Variants in TMEM132D observed in about 807,000 individuals in gnomAD.
The protein encoded by TMEM132D is mature OL transmembrane protein.
In TMEM132D, 21 loss-of-function variants were observed where a neutral mutation model predicts 62.3. The ratio of observed to expected loss-of-function variants is 0.34; its 90% CI spans 0.24 to 0.49. The LOEUF is 0.49. TMEM132D is among the 20% of genes least tolerant of loss of function. The pLI is 0.99. For synonymous variants in TMEM132D, 621 were observed against 575.6 expected, an observed-to-expected ratio of 1.08 and a Z score of -1.13; for missense variants, 1,346 against 1,402.8, an observed-to-expected ratio of 0.96 and a Z score of 0.65.
At chr12:129,081,392 A>G (rs540184213) in intron 7 of TMEM132D, among the ~76,000 whole-genome samples, 1 of 152,258 alleles carries the variant, frequency 6.6e-6, no homozygotes, top group East Asian at 1.9e-4. Flanking sequence ...TCTGCTTCCC[A>G]GGCCCGAGCG....
chr12:129,282,606 T>C (rs1367957960), intron 4 of TMEM132D, among the ~76,000 whole-genome samples: 2 of 152,190 alleles, frequency 1.3e-5, no homozygotes, highest in Admixed American at 6.5e-5. Context: ...ACTGAGTTTA[T>C]ATTCAATCCT....
intron 5 of TMEM132D, among the ~76,000 whole-genome samples, chr12:129,090,234 GTGGCTTTATTATCATCTGTGGCC>G (rs1276413850): frequency 6.6e-6 from 1 of 152,188 alleles, no homozygotes; most frequent in Non-Finnish European, 1.5e-5. Context: ...ACATGCTCCA[GTGGCTTTATTATCATCTGTGGCC>G]TGGCCACAGT....
chr12:129,129,333 T>C (rs775306110), intron 5 of TMEM132D, among the ~76,000 whole-genome samples: 17 of 152,266 alleles, frequency 1.1e-4, no homozygotes, highest in Non-Finnish European at 2.5e-4. Flanking sequence ...TTCATTCTTT[T>C]TTATAGCTGC....
At chr12:129,473,468 T>C (rs1385829436) in intron 3 of TMEM132D, among the ~76,000 whole-genome samples, 1 of 151,740 alleles carries the variant, frequency 6.6e-6, no homozygotes, top group Non-Finnish European at 1.5e-5. Flanking sequence ...TAGCTGAGAC[T>C]ACAGGCACTC....
At chr12:129,093,738 G>A (rs1274694086) in intron 5 of TMEM132D, among the ~76,000 whole-genome samples, 1 of 152,140 alleles carries the variant, frequency 6.6e-6, no homozygotes, top group Non-Finnish European at 1.5e-5. Flanking sequence ...TCAATCCTAA[G>A]CCAAAAGAAT....
At chr12:129,187,157 C>A (rs1043223040) in intron 5 of TMEM132D, among the ~76,000 whole-genome samples, 1 of 152,058 alleles carries the variant, frequency 6.6e-6, no homozygotes, top group African/African-American at 2.4e-5. Flanking sequence ...CACCAGAGGG[C>A]AATAGAGGAG....
At chr12:129,812,558 T>C (rs1260287663) in intron 1 of TMEM132D, among the ~76,000 whole-genome samples, 1 of 151,800 alleles carries the variant, frequency 6.6e-6, no homozygotes, top group East Asian at 1.9e-4. Flanking sequence ...TCTGGCTCTG[T>C]CTCCACCACA....
chr12:129,866,890 T>C (rs1348416012), intron 1 of TMEM132D, among the ~76,000 whole-genome samples: 1 of 152,174 alleles, frequency 6.6e-6, no homozygotes, highest in African/African-American at 2.4e-5. Flanking sequence ...TATGTGTCCA[T>C]TAATGAACGA....
At chr12:129,712,797 T>C (rs909301603) in intron 1 of TMEM132D, among the ~76,000 whole-genome samples, 1 of 152,130 alleles carries the variant, frequency 6.6e-6, no homozygotes, top group Non-Finnish European at 1.5e-5. Flanking sequence ...GTCCTCTCCT[T>C]CGCTTTCTTC....
rs150083680 is a variant in TMEM132D at position 129,786,973 on chromosome 12, C to T, written c.80-86275G>A. 3.3e-5 allele frequency among the ~76,000 whole-genome samples: 5 copies of T among 151,848 alleles called. No individual in the cohort carries two copies. In the South Asian group the frequency reaches 8.3e-4, roughly 25 times the overall value. On this transcript the variant is annotated intron_variant, in intron 1 of 8. Transcript: ENST00000422113. ...GTGACAGCATGAGCTCCAGGGGCAT[C>T]GGAATGTGACGGGCAAGTTGCAGAA... is the stretch of plus-strand genomic sequence containing the variant.
chr12:129,717,037 C>T (rs1398966264), intron 1 of TMEM132D, among the ~76,000 whole-genome samples: 3 of 152,156 alleles, frequency 2.0e-5, no homozygotes, highest in African/African-American at 7.2e-5. Flanking sequence ...AAATAAGTGT[C>T]CTTGTATCCA....
chr12:129,386,468 G>A (rs1419066944), intron 3 of TMEM132D, among the ~76,000 whole-genome samples: 12 of 149,804 alleles, frequency 8.0e-5, no homozygotes, highest in Non-Finnish European at 1.6e-4. Context: ...CAACGCCAAC[G>A]CCAACACTAA....
At chr12:129,870,761 G>A (rs1309117106) in intron 1 of TMEM132D, among the ~76,000 whole-genome samples, 1 of 152,158 alleles carries the variant, frequency 6.6e-6, no homozygotes, top group Non-Finnish European at 1.5e-5. Flanking sequence ...GGTACCTTGG[G>A]TATTTTGGCT....
In TMEM132D at chr12:129,883,322, T is replaced by G. The variant is rs79228919; in HGVS notation, c.79+19939A>C. On this transcript the variant is annotated intron_variant, in intron 1 of 8. Coordinates refer to ENST00000422113, the MANE Select transcript of TMEM132D (RefSeq NM_133448.3). ...GGAAGACCAGTAGAAATCTAAAAAC[T>G]ACGTGCAGCATCTGTAGGCTGAAAC... Among the ~76,000 whole-genome samples the G allele has an allele frequency of 5.9e-5, 9 of 152,288 alleles. 1 individual carries two copies. The East Asian group carries it at 1.5e-3, about 26-fold the overall frequency.
At chr12:129,406,142 A>G (rs747582424) in intron 3 of TMEM132D, among the ~76,000 whole-genome samples, 10 of 152,336 alleles carry the variant, frequency 6.6e-5, no homozygotes, top group South Asian at 2.1e-4. Context: ...GAACAACTCA[A>G]CTTCAGCTTT....
At chr12:129,513,464 G>GA (rs1875553495) in intron 3 of TMEM132D, among the ~76,000 whole-genome samples, 1 of 151,262 alleles carries the variant, frequency 6.6e-6, no homozygotes, top group South Asian at 2.1e-4. Context: ...CACGTAGTGG[G>GA]AAAAAAACAA....
chr12:129,105,697 C>T lies in TMEM132D; in HGVS notation c.1444-20995G>A, dbSNP rs889814077. On this transcript the variant is annotated intron_variant, in intron 5 of 8. Coordinates refer to ENST00000422113, the MANE Select transcript of TMEM132D (RefSeq NM_133448.3). ...ACCATCACTGGCCATCAGAGAAATG[C>T]AAATCAAAACCACAATGAGATACCA... Among the ~76,000 whole-genome samples, 4 of 151,036 alleles carry T rather than the reference C, an allele frequency of 2.6e-5. 1 individual carries two copies. The highest frequency in any genetic ancestry group is 9.9e-5 in the African/African-American group (4 of 40,448).
chr12:129,083,770 T>A (rs1434041411), intron 6 of TMEM132D, among the ~76,000 whole-genome samples: 3 of 152,222 alleles, frequency 2.0e-5, no homozygotes, highest in Non-Finnish European at 4.4e-5. Context: ...CATGAATTCT[T>A]ATACACGGTT....
intron 5 of TMEM132D, among the ~76,000 whole-genome samples, chr12:129,108,131 CACTT>C (rs1299803058): frequency 6.6e-6 from 1 of 152,186 alleles, no homozygotes; most frequent in Non-Finnish European, 1.5e-5. Context: ...ATGTGCCAGA[CACTT>C]ACATGGTGTG....
Sources: gnomAD v4.1 joint callset for allele counts (sites outside exome capture counted in the v4.1 genomes callset) on GRCh38, gnomAD v4.1.1 for gene constraint, MANE v1.5 for transcripts, NCBI Gene and HGNC (gene_info 2026-07-23, HGNC 2026-07-21) for gene names.